The following AFF1 variants were observed in gnomAD, a reference collection of about 807,000 sequenced individuals.
AFF1 encodes the protein ALF transcription elongation factor 1.
AFF1 carries 48 observed loss-of-function variants against 121.7 expected under a neutral mutation model. The observed-to-expected ratio is 0.39, with a 90% CI of 0.31 to 0.50. The LOEUF (loss-of-function observed/expected upper bound fraction) is 0.50. AFF1 is among the 20% of genes least tolerant of loss of function. The pLI is 0.76. For missense variants in AFF1, 1,523 were observed against 1,511.7 expected, an observed-to-expected ratio of 1.01 and a Z score of -0.12; for synonymous variants, 613 against 563.0, an observed-to-expected ratio of 1.09 and a Z score of -1.26.
In AFF1 at chr4:87,138,021, T is replaced by C. The variant is rs188704864; in HGVS notation, c.*2320T>C. On this transcript the variant is annotated 3_prime_UTR_variant, in exon 21 of 21. Transcript: ENST00000395146. ...GATTGCTTTTTCAGTGGCCTTACTC[T>C]TTGTGGGTTTTTTTTTTTTTCTCTG... 1,558 of 213,536 alleles carry C rather than the reference T, an allele frequency of 7.3e-3. 14 individuals carry two copies. The highest frequency in any genetic ancestry group is 0.024 in the Middle Eastern group (17 of 720). 13.2% of individuals were successfully genotyped at this position (213,536 alleles called of 1,614,324 possible).
At chr4:87,088,824 C>T (rs566187196) in intron 5 of AFF1, among the ~76,000 whole-genome samples, 2 of 152,228 alleles carry the variant, frequency 1.3e-5, no homozygotes, top group African/African-American at 4.8e-5. Context: ...GTTGCCCAGG[C>T]TGGAGTGCAA....
chr4:87,035,555 C>T (rs1191705444), intron 2 of AFF1, among the ~76,000 whole-genome samples: 3 of 118,204 alleles, frequency 2.5e-5, no homozygotes, highest in Admixed American at 8.9e-5. Flanking sequence ...AGCAAGACTC[C>T]GTCCCAAGGA....
chr4:87,047,601 G>A lies in AFF1; in HGVS notation c.1059+7G>A, dbSNP rs758154228. The stretch of plus-strand genomic sequence containing the variant: ...GCCTTCTCAGTCAGTTGAGGTGTGT[G>A]GAATTTCTTATCTTGGGGAATTCCA... On this transcript the variant is annotated splice_region_variant and intron_variant, in intron 4 of 20. Transcript: ENST00000395146. 6.2e-7 allele frequency: 1 copy of A among 1,614,116 alleles called. No individual in the cohort carries two copies. The highest frequency in any genetic ancestry group is 1.1e-5 in the South Asian group (1 of 91,080).
intron 8 of AFF1, among the ~76,000 whole-genome samples, chr4:87,101,707 A>G (rs1056110334): frequency 6.6e-6 from 1 of 152,184 alleles, no homozygotes; most frequent in African/African-American, 2.4e-5. Context: ...ATAAGTTTAC[A>G]CATTCTCACA....
chr4:87,087,842 C>T (rs1340192063), intron 5 of AFF1, among the ~76,000 whole-genome samples: 1 of 152,012 alleles, frequency 6.6e-6, no homozygotes, highest in African/African-American at 2.4e-5. Flanking sequence ...GTGATGTTTT[C>T]AGATACCTTC....
rs1727466206 is a variant in AFF1, at chr4:87,119,544, A to G, written c.2466+4245A>G. 2.0e-5 allele frequency among the ~76,000 whole-genome samples: 3 copies of G among 152,290 alleles called. No individual in the cohort carries two copies. The South Asian group carries it at 6.2e-4, about 32-fold the overall frequency. ...TGTGATTGAGTCACTGCACTCCAGC[A>G]TGGGCAACAGAGTAAGACCCTGTCT... On this transcript the variant is annotated intron_variant, in intron 12 of 20. Transcript: ENST00000395146.
intron 4 of AFF1, among the ~76,000 whole-genome samples, chr4:87,055,890 A>G (rs897769352): frequency 5.9e-5 from 9 of 152,176 alleles, no homozygotes; most frequent in Non-Finnish European, 1.2e-4. Flanking sequence ...TTATTTTCCA[A>G]GGTTAACTTT....
intron 6 of AFF1, among the ~76,000 whole-genome samples, chr4:87,090,979 C>T (rs1415610948): frequency 1.6e-5 from 2 of 124,004 alleles, no homozygotes; most frequent in South Asian, 2.8e-4. Flanking sequence ...TAAGCCACTA[C>T]ACTCCAGCCT....
intron 2 of AFF1, among the ~76,000 whole-genome samples, chr4:86,981,035 C>T (rs956981447): frequency 2.1e-5 from 3 of 144,484 alleles, no homozygotes; most frequent in Admixed American, 7.2e-5. Flanking sequence ...TGTTTTGAGA[C>T]GGGGTCTCGC....
At chr4:87,019,408 AC>A (rs1303354866) in intron 2 of AFF1, among the ~76,000 whole-genome samples, 1 of 152,216 alleles carries the variant, frequency 6.6e-6, no homozygotes, top group African/African-American at 2.4e-5. Flanking sequence ...AAGTCTAAAG[AC>A]TTTTATTCCA....
intron 11 of AFF1, among the ~76,000 whole-genome samples, chr4:87,110,632 C>A (rs1560634876): frequency 6.6e-6 from 1 of 151,624 alleles, no homozygotes; most frequent in Admixed American, 6.6e-5. Flanking sequence ...TTTTAATGCT[C>A]TTTTTAAAAA....
chr4:86,993,409 C>G (rs917918885), intron 2 of AFF1, among the ~76,000 whole-genome samples: 1 of 152,158 alleles, frequency 6.6e-6, no homozygotes, highest in Non-Finnish European at 1.5e-5. Context: ...GGAATATCTC[C>G]TATCTTCCAG....
Position 87,137,320 on chromosome 4 carries a change from A to G in AFF1, c.*1619A>G, listed in dbSNP as rs342461. 84,576 of 226,916 alleles carry G rather than the reference A, an allele frequency of 0.37. 16,428 individuals are homozygous for G. Among genetic ancestry groups the G allele is most frequent in the Middle Eastern group, 0.52 (390 of 748 alleles). The allele number at this position is 226,916 out of a possible 1,614,324, so 14.1% of individuals were successfully genotyped here. A position where few individuals can be genotyped will look rare whatever the true frequency, so the allele number is the denominator to read the frequency against. The stretch of plus-strand genomic sequence containing the variant: ...GGAGGAGGGAGAACCATATTTATTT[A>G]TAATGAAGACATCTAAGATCCCTAT... On this transcript the variant is annotated 3_prime_UTR_variant, in exon 21 of 21. Transcript: ENST00000395146.
At position 87,140,397 on chromosome 4, in the gene AFF1, AT is replaced by A. The variant is rs550992995; in HGVS notation, c.*4706del. 35 of 181,484 alleles carry A rather than the reference AT, an allele frequency of 1.9e-4. No individual in the cohort carries two copies. The highest frequency in any genetic ancestry group is 4.5e-4 in the East Asian group (5 of 11,192). 11.2% of individuals were successfully genotyped at this position (181,484 alleles called of 1,614,324 possible). On this transcript the variant is annotated 3_prime_UTR_variant, in exon 21 of 21. Coordinates refer to ENST00000395146, the MANE Select transcript of AFF1 (RefSeq NM_001166693.3). Reference sequence around the variant, plus strand: ...CGCATGTGTCCCAAATCTTGTTTTAATTTTTTTTTTCTGAATGTGATCATGT... The same window carrying A: ...CGCATGTGTCCCAAATCTTGTTTTAATTTTTTTTTCTGAATGTGATCATGT...
Position 87,105,861 on chromosome 4 carries a change from C to G in AFF1, c.1376+16C>G, listed in dbSNP as rs766300524. 2 of 1,613,818 alleles carry G rather than the reference C, an allele frequency of 1.2e-6. No individual in the cohort carries two copies. The highest frequency in any genetic ancestry group is 1.7e-6 in the Non-Finnish European group (2 of 1,179,838). ...CACCTCCAAGGTACCGTGTGGGTTT[C>G]TCCCCATCTGTACAGAATGTTTGCA... is the stretch of plus-strand genomic sequence containing the variant. On this transcript the variant is annotated intron_variant, in intron 10 of 20. Coordinates refer to ENST00000395146, the MANE Select transcript of AFF1 (RefSeq NM_001166693.3).
intron 2 of AFF1, among the ~76,000 whole-genome samples, chr4:86,996,936 G>A (rs575419161): frequency 9.3e-4 from 141 of 152,168 alleles, no homozygotes; most frequent in Admixed American, 1.9e-3. Flanking sequence ...TTTTGAGAGG[G>A]AGTCTTGCTC....
intron 4 of AFF1, among the ~76,000 whole-genome samples, chr4:87,063,113 A>C (rs1309702449): frequency 1.3e-5 from 2 of 152,094 alleles, no homozygotes; most frequent in African/African-American, 4.8e-5. Flanking sequence ...ATGTATGTTA[A>C]ACCTTTATAT....
At chr4:87,045,855 T>A (rs1344089138) in intron 2 of AFF1, among the ~76,000 whole-genome samples, 1 of 152,166 alleles carries the variant, frequency 6.6e-6, no homozygotes, top group Non-Finnish European at 1.5e-5. Flanking sequence ...ATTAATCTTG[T>A]CTCAGTTCCA....
At chr4:87,007,316 G>C (rs559626811) in intron 2 of AFF1, 1 of 1,595,250 alleles carries the variant, frequency 6.3e-7, no homozygotes, top group South Asian at 1.1e-5. Flanking sequence ...TCCCCGCCCG[G>C]CTCCGCCAAA....
Sources: gnomAD v4.1 joint callset for allele counts (sites outside exome capture counted in the v4.1 genomes callset) on GRCh38, gnomAD v4.1.1 for gene constraint, MANE v1.5 for transcripts, NCBI Gene and HGNC (gene_info 2026-07-23, HGNC 2026-07-21) for gene names.